Variants in CEP85 observed in about 807,000 individuals in gnomAD.
The protein encoded by CEP85 is centrosomal protein of 85 kDa.
In CEP85, 58 loss-of-function variants were observed where a neutral mutation model predicts 93.7. The ratio of observed to expected loss-of-function variants is 0.62; its 90% CI spans 0.50 to 0.77. The LOEUF (loss-of-function observed/expected upper bound fraction) is 0.77, where lower values mean the gene tolerates loss of function less well. CEP85 is among the 30% of genes least tolerant of loss of function. The pLI is 0.00. For synonymous variants in CEP85, 314 were observed against 338.6 expected, an observed-to-expected ratio of 0.93 and a Z score of 0.80; for missense variants, 868 against 922.0, an observed-to-expected ratio of 0.94 and a Z score of 0.76.
At chr1:26,256,317 G>A (rs1181230510) in intron 4 of CEP85, among the ~76,000 whole-genome samples, 2 of 152,034 alleles carry the variant, frequency 1.3e-5, no homozygotes, top group Non-Finnish European at 2.9e-5. Context: ...AGGCCGAGGC[G>A]GGCAGGAGTT....
intron 7 of CEP85, among the ~76,000 whole-genome samples, chr1:26,264,249 C>A (rs1300756345): frequency 6.6e-6 from 1 of 152,042 alleles, no homozygotes; most frequent in Non-Finnish European, 1.5e-5. Flanking sequence ...AAGAAGGTAG[C>A]AGGCTGGGCG....
intron 2 of CEP85, among the ~76,000 whole-genome samples, chr1:26,241,311 C>T (rs1156831971): frequency 2.3e-5 from 3 of 132,290 alleles, no homozygotes; most frequent in Non-Finnish European, 4.6e-5. Context: ...GGCGTGATCT[C>T]GGCTCACTAC....
intron 6 of CEP85, 27 bp downstream of exon 6, chr1:26,258,287 T>A: frequency 6.9e-7 from 1 of 1,441,644 alleles, no homozygotes; most frequent in Non-Finnish European, 9.8e-7. Context: ...AGGATGGCAT[T>A]CTGTTTGTCA....
intron 2 of CEP85, among the ~76,000 whole-genome samples, chr1:26,241,094 T>A (rs1367644527): frequency 6.6e-6 from 1 of 152,072 alleles, no homozygotes; most frequent in African/African-American, 2.4e-5. Flanking sequence ...CAACTCAGGG[T>A]ATGTTTTATT....
intron 2 of CEP85, among the ~76,000 whole-genome samples, chr1:26,240,204 C>G (rs949848863): frequency 6.6e-6 from 1 of 152,164 alleles, no homozygotes; most frequent in Non-Finnish European, 1.5e-5. Context: ...AATAGGAATT[C>G]TGCTTGGATG....
chr1:26,276,477 C>CAGAT lies in CEP85; in HGVS notation c.1903-56_1903-53dup. ...CCTTCCACACCCACACACTCATGCA[C>CAGAT]AGATACTCTTCCTCTCCCTGGGCCT... On this transcript the variant is annotated intron_variant, in intron 12 of 13. Transcript: ENST00000451429. 2.2e-6 allele frequency: 3 copies of CAGAT among 1,383,340 alleles called. No homozygotes were observed. In the South Asian group the frequency reaches 3.6e-5, roughly 16 times the overall value. The allele number at this position is 1,383,340 out of a possible 1,614,324, so 85.7% of individuals were successfully genotyped here. A position where few individuals can be genotyped will look rare whatever the true frequency, so the allele number is the denominator to read the frequency against.
chr1:26,255,728 C>T lies in CEP85; in HGVS notation c.766C>T (p.Pro256Ser), dbSNP rs1402804628. 1 of 1,614,166 alleles carries T rather than the reference C, an allele frequency of 6.2e-7. No individual in the cohort carries two copies. Among genetic ancestry groups the T allele is most frequent in the African/African-American group, 1.3e-5 (1 of 75,038 alleles). The change falls in exon 4 of 14, where the codon CCC (proline) becomes TCC (serine). Residue 256 changes from proline (P) to serine (S), a missense_variant. Transcript: ENST00000451429. ...GVLPLGLQPA[P>S]GLSKPLPSQV... is the part of the protein sequence containing the mutation. ...CCTCCCTTTGGGACTCCAGCCTGCTCCCGGGCTCTCCAAGCCTCTGCCCTC... is the reference window on the plus strand; with the variant it reads ...CCTCCCTTTGGGACTCCAGCCTGCTTCCGGGCTCTCCAAGCCTCTGCCCTC...
intron 7 of CEP85, among the ~76,000 whole-genome samples, chr1:26,267,051 TAGTGTC>T (rs2089904133): frequency 6.6e-6 from 1 of 152,200 alleles, no homozygotes; most frequent in Non-Finnish European, 1.5e-5. Context: ...CATCTGGAGT[TAGTGTC>T]AGACTCCACA....
At chr1:26,241,690 A>G (rs2089429207) in intron 2 of CEP85, among the ~76,000 whole-genome samples, 1 of 151,972 alleles carries the variant, frequency 6.6e-6, no homozygotes, top group Non-Finnish European at 1.5e-5. Context: ...TCTCATTCAG[A>G]TTAATAATGG....
Position 26,269,782 on chromosome 1 carries a change from CTTTTTTTTT to C in CEP85, c.1649+182_1649+190del, listed in dbSNP as rs748230113. Among the ~76,000 whole-genome samples, 12 of 84,724 alleles carry C rather than the reference CTTTTTTTTT, an allele frequency of 1.4e-4. No individual in the cohort carries two copies. In the Admixed American group the frequency reaches 1.5e-3, roughly 11 times the overall value. 55.6% of individuals were successfully genotyped at this position (84,724 alleles called of 152,430 possible). A position where few individuals can be genotyped will look rare whatever the true frequency, so the allele number is the denominator to read the frequency against. On this transcript the variant is annotated intron_variant, in intron 9 of 13. Coordinates refer to ENST00000451429, the MANE Select transcript of CEP85 (RefSeq NM_001319944.2). ...TAGGAAAGCTGCTTATGGGAAGCGG[CTTTTTTTTT>C]TTTTTTTTTTTTTGAGACGGAGTCT...
intron 1 of CEP85, among the ~76,000 whole-genome samples, chr1:26,235,147 A>T (rs1409711743): frequency 6.6e-6 from 1 of 152,236 alleles, no homozygotes; most frequent in Non-Finnish European, 1.5e-5. Flanking sequence ...TCAGTTAATG[A>T]GAGCGATCCT....
intron 3 of CEP85, among the ~76,000 whole-genome samples, chr1:26,253,689 C>T (rs1336954434): frequency 6.6e-6 from 1 of 151,836 alleles, no homozygotes; most frequent in Non-Finnish European, 1.5e-5. Flanking sequence ...TGCGCCCGGC[C>T]TCATCTTTTT....
At chr1:26,246,605 A>G (rs1019816247) in intron 3 of CEP85, among the ~76,000 whole-genome samples, 27 of 151,938 alleles carry the variant, frequency 1.8e-4, no homozygotes, top group African/African-American at 6.3e-4. Context: ...GTGGTGATGT[A>G]TGCCTGTAAT....
At chr1:26,250,179 T>A (rs2089583620) in intron 3 of CEP85, among the ~76,000 whole-genome samples, 1 of 152,182 alleles carries the variant, frequency 6.6e-6, no homozygotes, top group Admixed American at 6.5e-5. Flanking sequence ...GGTCCCCAAC[T>A]CCTGGCCCGT....
At chr1:26,265,376 C>T (rs943371787) in intron 7 of CEP85, among the ~76,000 whole-genome samples, 1 of 152,150 alleles carries the variant, frequency 6.6e-6, no homozygotes, top group African/African-American at 2.4e-5. Context: ...ACCTCAGCCT[C>T]CCAAAGTACT....
At chr1:26,238,601 G>C (rs942033516) in intron 1 of CEP85, among the ~76,000 whole-genome samples, 4 of 152,102 alleles carry the variant, frequency 2.6e-5, no homozygotes, top group Admixed American at 2.6e-4. Context: ...GATGTAAATT[G>C]CCAAGTAATA....
intron 2 of CEP85, among the ~76,000 whole-genome samples, chr1:26,242,014 C>T (rs1303820091): frequency 5.3e-5 from 8 of 151,600 alleles, no homozygotes; most frequent in East Asian, 3.9e-4. Context: ...TGCCCACCCC[C>T]GCCTCCCAAA....
chr1:26,257,868 T>C, intron 5 of CEP85, 138 bp downstream of exon 5: 1 of 958,900 alleles, frequency 1.0e-6, no homozygotes, highest in Non-Finnish European at 1.6e-6. Context: ...GGTAGTTTGA[T>C]AAGCAGCCTA....
chr1:26,252,486 C>T (rs987652346), intron 3 of CEP85, among the ~76,000 whole-genome samples: 1 of 152,010 alleles, frequency 6.6e-6, no homozygotes, highest in Non-Finnish European at 1.5e-5. Flanking sequence ...GAGCCAAGAT[C>T]GCGCCATTGC....
Sources: gnomAD v4.1 joint callset for allele counts (sites outside exome capture counted in the v4.1 genomes callset) on GRCh38, gnomAD v4.1.1 for gene constraint, MANE v1.5 for transcripts, NCBI Gene and HGNC (gene_info 2026-07-23, HGNC 2026-07-21) for gene names.